The following UNC13C variants were observed in gnomAD, a reference collection of about 807,000 sequenced individuals.
The protein encoded by UNC13C is protein unc-13 homolog C.
UNC13C carries 174 observed loss-of-function variants against 245.4 expected under a neutral mutation model. The ratio of observed to expected loss-of-function variants is 0.71; its 90% CI spans 0.63 to 0.80. UNC13C has a LOEUF of 0.80. UNC13C is among the 30% of genes least tolerant of loss of function. The probability of loss-of-function intolerance (pLI) is 0.00; values close to 1 mark genes in which losing one functional copy is unlikely to be tolerated. For synonymous variants in UNC13C, 992 were observed against 895.1 expected, an observed-to-expected ratio of 1.11 and a Z score of -1.93; for missense variants, 2,829 against 2,602.9, an observed-to-expected ratio of 1.09 and a Z score of -1.89.
chr15:54,550,439 C>T (rs1392532043), intron 28 of UNC13C, among the ~76,000 whole-genome samples: 1 of 152,178 alleles, frequency 6.6e-6, no homozygotes, highest in East Asian at 1.9e-4. Context: ...AAGTGTATGT[C>T]ACCTCCCACT....
rs1367818607 is a variant in UNC13C at position 54,581,730 on chromosome 15, A to C, written c.6106+13783A>C. ...CTATAGCACATGGAAACTTTTCAGA[A>C]GTGCTAAATTTTGGGCTTTACCCTG... On this transcript the variant is annotated intron_variant, in intron 30 of 32. Transcript: ENST00000260323. Among the ~76,000 whole-genome samples the C allele has an allele frequency of 2.6e-5, 4 of 152,246 alleles. No individual in the cohort carries two copies. In the East Asian group the frequency reaches 7.7e-4, roughly 29 times the overall value.
intron 2 of UNC13C, among the ~76,000 whole-genome samples, chr15:54,134,271 A>AAT (rs2031604797): frequency 6.1e-5 from 1 of 16,456 alleles, no homozygotes. Context: ...TTATGAGTTC[A>AAT]GTTTTTTTTT....
intron 17 of UNC13C, among the ~76,000 whole-genome samples, chr15:54,363,211 T>TGGCAC (rs2039277166): frequency 1.3e-5 from 2 of 152,138 alleles, no homozygotes; most frequent in African/African-American, 2.4e-5. Flanking sequence ...TGGGTTCAAG[T>TGGCAC]GATTCTCTTG....
chr15:54,117,462 G>C (rs929252892), intron 2 of UNC13C, among the ~76,000 whole-genome samples: 1 of 151,612 alleles, frequency 6.6e-6, no homozygotes, highest in Non-Finnish European at 1.5e-5. Flanking sequence ...TATGATGTGA[G>C]GTAGAGGTCT....
intron 10 of UNC13C, among the ~76,000 whole-genome samples, chr15:54,267,615 A>G (rs16974410): frequency 1.3e-5 from 2 of 151,974 alleles, no homozygotes; most frequent in Admixed American, 6.6e-5. Context: ...TGCTTTTTCA[A>G]TAACAAATCT....
chr15:54,346,352 C>T (rs1282455580), intron 17 of UNC13C, among the ~76,000 whole-genome samples: 3 of 152,192 alleles, frequency 2.0e-5, no homozygotes, highest in African/African-American at 7.2e-5. Flanking sequence ...GTTCAAATTA[C>T]AGCTCTACTT....
At chr15:54,286,654 G>T (rs74015115) in intron 10 of UNC13C, among the ~76,000 whole-genome samples, 2,526 of 152,228 alleles carry the variant, frequency 0.017, 81 homozygotes, top group African/African-American at 0.059. Flanking sequence ...ATATCTAGGA[G>T]ACTCTATATC....
intron 19 of UNC13C, among the ~76,000 whole-genome samples, chr15:54,436,390 G>T (rs1376111125): frequency 2.6e-5 from 4 of 151,940 alleles, no homozygotes; most frequent in Admixed American, 6.6e-5. Flanking sequence ...ATTTACAATA[G>T]CAAAGACTTG....
In UNC13C at chr15:54,458,680, C is replaced by CTTTTTTTT. The variant is rs79291504; in HGVS notation, c.4934-35912_4934-35905dup. ...TTTTAAACTATTGTTCCTTTAAGGT[C>CTTTTTTTT]TTTTTTTTTTTTTTTTTTTTTTTAA... On this transcript the variant is annotated intron_variant, in intron 19 of 32. Transcript: ENST00000260323. 3.8e-3 allele frequency among the ~76,000 whole-genome samples: 251 copies of CTTTTTTTT among 65,958 alleles called. 25 individuals carry two copies. The highest frequency in any genetic ancestry group is 0.016 in the East Asian group (27 of 1,700). The allele number at this position is 65,958 out of a possible 152,430, so 43.3% of individuals were successfully genotyped here.
chr15:54,218,207 A>G (rs1446437205), intron 4 of UNC13C, among the ~76,000 whole-genome samples: 1 of 151,982 alleles, frequency 6.6e-6, no homozygotes, highest in East Asian at 1.9e-4. Context: ...GTCAGTAACA[A>G]GTGTTTACCT....
At chr15:53,894,435 T>C in the UNC13C span, among the ~76,000 whole-genome samples, 182 of 152,360 alleles carry the variant, frequency 1.2e-3, no homozygotes, top group African/African-American at 4.3e-3. Flanking sequence ...ATCCCTTTCC[T>C]GATTACTATA....
intron 19 of UNC13C, among the ~76,000 whole-genome samples, chr15:54,462,779 G>A (rs977225857): frequency 5.4e-4 from 83 of 152,296 alleles, no homozygotes; most frequent in African/African-American, 1.9e-3. Flanking sequence ...CCTGACGGGC[G>A]CCACCCCCTG....
chr15:54,220,624 A>G (rs1179725393), intron 4 of UNC13C, among the ~76,000 whole-genome samples: 2 of 151,970 alleles, frequency 1.3e-5, no homozygotes, highest in Admixed American at 1.3e-4. Flanking sequence ...AAATTAAAAA[A>G]ATGCATCTTA....
At chr15:54,243,824 T>C (rs993066448) in intron 7 of UNC13C, among the ~76,000 whole-genome samples, 8 of 151,588 alleles carry the variant, frequency 5.3e-5, no homozygotes, top group African/African-American at 1.7e-4. Context: ...AATGAGATTG[T>C]TTATTTTTTT....
At chr15:54,542,325 A>C (rs1304784153) in intron 26 of UNC13C, among the ~76,000 whole-genome samples, 1 of 152,062 alleles carries the variant, frequency 6.6e-6, no homozygotes, top group Non-Finnish European at 1.5e-5. Context: ...GAGTTTCTTA[A>C]TCCTGAGTTC....
chr15:54,260,328 A>T (rs1343798190), intron 8 of UNC13C, among the ~76,000 whole-genome samples: 1 of 152,076 alleles, frequency 6.6e-6, no homozygotes, highest in Non-Finnish European at 1.5e-5. Flanking sequence ...GAGAGGAGAG[A>T]AAATGTGACT....
the UNC13C span, among the ~76,000 whole-genome samples, chr15:53,954,832 G>C: frequency 2.0e-5 from 3 of 152,262 alleles, no homozygotes; most frequent in African/African-American, 7.2e-5. Context: ...GGTTAAGTTT[G>C]TGCTTCAAAA....
At chr15:54,456,059 A>G (rs980693525) in intron 19 of UNC13C, among the ~76,000 whole-genome samples, 1 of 152,134 alleles carries the variant, frequency 6.6e-6, no homozygotes, top group Non-Finnish European at 1.5e-5. Flanking sequence ...TGAGAGATGA[A>G]GATCCAGTTT....
At chr15:53,928,737 A>C in the UNC13C span, among the ~76,000 whole-genome samples, 139 of 152,320 alleles carry the variant, frequency 9.1e-4, 1 homozygote, top group African/African-American at 3.2e-3. Context: ...TTCTAAGTGC[A>C]TTTCTGGAGG....
Sources: allele counts gnomAD v4.1 joint callset (sites outside exome capture counted in the v4.1 genomes callset), GRCh38; gene constraint gnomAD v4.1.1; transcripts MANE v1.5; gene names NCBI Gene and HGNC (gene_info 2026-07-23, HGNC 2026-07-21).